The following FOCAD variants were observed in gnomAD, a reference collection of about 807,000 sequenced individuals.
The protein encoded by FOCAD is KIAA1797.
FOCAD carries 198 observed loss-of-function variants against 225.6 expected under a neutral mutation model. That is an observed-to-expected ratio of 0.88 (90% CI 0.78 to 0.99). The LOEUF is 0.99. Among genes scored for constraint, FOCAD ranks in the 50% least tolerant of loss-of-function variants. The pLI is 0.00. For missense variants in FOCAD, 2,713 were observed against 2,123.6 expected (o/e 1.28, Z -5.46); for synonymous variants, 897 against 755.0 (o/e 1.19, Z -3.08).
chr9:20,992,703 T>A (rs1841773631), intron 42 of FOCAD, among the ~76,000 whole-genome samples: 1 of 152,134 alleles, frequency 6.6e-6, no homozygotes, highest in Admixed American at 6.5e-5. Flanking sequence ...CTCACACCTG[T>A]AATCACAACA....
At chr9:20,885,721 T>C (rs979080031) in intron 21 of FOCAD, among the ~76,000 whole-genome samples, 1 of 152,194 alleles carries the variant, frequency 6.6e-6, no homozygotes, top group African/African-American at 2.4e-5. Flanking sequence ...TATTAGATGA[T>C]TTATATGAAA....
At chr9:20,775,357 A>T (rs1264222108) in intron 8 of FOCAD, among the ~76,000 whole-genome samples, 1 of 152,200 alleles carries the variant, frequency 6.6e-6, no homozygotes, top group African/African-American at 2.4e-5. Context: ...AGAATGAGTG[A>T]AACATTTCAG....
chr9:20,786,865 A>T, intron 10 of FOCAD: 1 of 191,572 alleles, frequency 5.2e-6, no homozygotes, highest in Non-Finnish European at 1.1e-5. Context: ...TTGATATATA[A>T]TTCACATAAC....
At chr9:20,659,271 G>T (rs113127190) in intron 2 of FOCAD, among the ~76,000 whole-genome samples, 1 of 147,384 alleles carries the variant, frequency 6.8e-6, no homozygotes, top group Non-Finnish European at 1.5e-5. Context: ...GCCTGGCATG[G>T]TGGTGTGTGC....
At chr9:20,843,298 T>G (rs892653546) in intron 15 of FOCAD, among the ~76,000 whole-genome samples, 10 of 152,216 alleles carry the variant, frequency 6.6e-5, no homozygotes, top group Middle Eastern at 3.4e-3. Context: ...GGTTTGATGT[T>G]GATGAAATCC....
chr9:20,876,855 C>T (rs1356582067), intron 19 of FOCAD, among the ~76,000 whole-genome samples: 1 of 152,132 alleles, frequency 6.6e-6, no homozygotes, highest in African/African-American at 2.4e-5. Flanking sequence ...TTAAGTGAAT[C>T]CTGCCCCTTT....
intron 21 of FOCAD, among the ~76,000 whole-genome samples, chr9:20,890,283 C>A (rs1414787973): frequency 1.3e-5 from 2 of 150,632 alleles, no homozygotes; most frequent in Admixed American, 6.6e-5. Flanking sequence ...CAGTGTTTCC[C>A]TGTTTAATAT....
intron 4 of FOCAD, among the ~76,000 whole-genome samples, chr9:20,720,841 A>C (rs565944109): frequency 6.6e-6 from 1 of 152,360 alleles, no homozygotes; most frequent in African/African-American, 2.4e-5. Context: ...TGACATTTTA[A>C]GAAAGAAGGT....
At chr9:20,982,280 A>T in intron 38 of FOCAD, 77 bp from the exon 39 acceptor site, 1 of 1,067,676 alleles carries the variant, frequency 9.4e-7, no homozygotes, top group Non-Finnish European at 1.4e-6. Flanking sequence ...GGATAAGAAA[A>T]TCTAATAATT....
upstream of FOCAD, chr9:20,684,068 G>T (rs371171327): frequency 1.3e-5 from 2 of 152,270 alleles, no homozygotes; most frequent in Non-Finnish European, 2.9e-5. Flanking sequence ...TGCAGAGCGC[G>T]GGTCCGCCGC....
chr9:20,754,082 G>C (rs1383209307), intron 5 of FOCAD, among the ~76,000 whole-genome samples: 2 of 152,044 alleles, frequency 1.3e-5, no homozygotes, highest in African/African-American at 2.4e-5. Context: ...TTGTTAACTT[G>C]ACTCAGTTAA....
chr9:20,858,454 C>G (rs1266579600), intron 15 of FOCAD, among the ~76,000 whole-genome samples: 1 of 151,764 alleles, frequency 6.6e-6, no homozygotes, highest in African/African-American at 2.4e-5. Context: ...TTGTAATGTC[C>G]CCTTTTTCAT....
intron 11 of FOCAD, among the ~76,000 whole-genome samples, chr9:20,805,445 T>A (rs1332730552): frequency 2.6e-5 from 4 of 152,214 alleles, no homozygotes; most frequent in African/African-American, 7.2e-5. Flanking sequence ...TTGTGCTGTA[T>A]GGTTGGGATT....
intron 4 of FOCAD, among the ~76,000 whole-genome samples, chr9:20,735,733 G>A (rs1209964524): frequency 1.4e-5 from 2 of 148,142 alleles, no homozygotes; most frequent in Non-Finnish European, 3.0e-5. Context: ...ATATTGCTCA[G>A]GCTGGTCTCA....
At chr9:20,860,368 G>A (rs777641410) in intron 15 of FOCAD, among the ~76,000 whole-genome samples, 61 of 152,134 alleles carry the variant, frequency 4.0e-4, no homozygotes, top group Admixed American at 1.6e-3. Context: ...GGTTTAATTG[G>A]ACTTACAGTT....
At chr9:20,710,294 G>T (rs1824731354) in intron 1 of FOCAD, among the ~76,000 whole-genome samples, 1 of 147,266 alleles carries the variant, frequency 6.8e-6, no homozygotes, top group Non-Finnish European at 1.5e-5. Flanking sequence ...TTTATCCAGG[G>T]TTTGCTTAAA....
In FOCAD at chr9:20,789,605, C is replaced by A; in HGVS notation, c.1452C>A (p.Ser484=). 6.2e-7 allele frequency: 1 copy of A among 1,613,614 alleles called. No individual in the cohort carries two copies. Among genetic ancestry groups the A allele is most frequent in the East Asian group, 2.2e-5 (1 of 44,864 alleles). ...CAGAATTAGCCCAAGCAGATTCCTC[C>A]CAGGTAAAGCAAGAGAATAATGGAA... The part of the protein sequence containing the change: ...VTTELAQADS[S]QVPNLIPVLM... Residue 484 remains serine, a synonymous_variant, in exon 11 of 44, where the codon TCC becomes TCA. Transcript: ENST00000338382.
intron 21 of FOCAD, among the ~76,000 whole-genome samples, chr9:20,898,367 G>A (rs1400813827): frequency 6.6e-6 from 1 of 151,074 alleles, no homozygotes; most frequent in African/African-American, 2.4e-5. Flanking sequence ...TTATGTGTAT[G>A]TTATAACTTT....
chr9:20,821,359 A>G (rs1042732386), intron 14 of FOCAD, among the ~76,000 whole-genome samples: 1 of 151,930 alleles, frequency 6.6e-6, no homozygotes, highest in African/African-American at 2.4e-5. Flanking sequence ...TATGTTTTCT[A>G]TTTTTCTGTA....
Sources: allele counts gnomAD v4.1 joint callset (sites outside exome capture counted in the v4.1 genomes callset), GRCh38; gene constraint gnomAD v4.1.1; transcripts MANE v1.5; gene names NCBI Gene and HGNC (gene_info 2026-07-23, HGNC 2026-07-21).